The following DIAPH3 variants were observed in gnomAD, a reference collection of about 807,000 sequenced individuals.
The protein encoded by DIAPH3 is diaphanous related formin 3.
In DIAPH3, 117 loss-of-function variants were observed where a neutral mutation model predicts 144.3. The observed-to-expected ratio is 0.81, with a 90% CI of 0.70 to 0.95. The LOEUF is 0.95. Among genes scored for constraint, DIAPH3 ranks in the 40% least tolerant of loss-of-function variants. The probability of loss-of-function intolerance (pLI) is 0.00; values close to 1 mark genes in which losing one functional copy is unlikely to be tolerated. For missense variants in DIAPH3, 1,421 were observed against 1,412.7 expected, an observed-to-expected ratio of 1.01 and a Z score of -0.09; for synonymous variants, 519 against 488.9, an observed-to-expected ratio of 1.06 and a Z score of -0.81.
chr13:60,070,204 A>C (rs899879208), intron 4 of DIAPH3, among the ~76,000 whole-genome samples: 1 of 150,574 alleles, frequency 6.6e-6, no homozygotes, highest in African/African-American at 2.4e-5. Context: ...TGTCTCAGTT[A>C]GCTGCATTCC....
intron 18 of DIAPH3, 42 bp downstream of exon 18, chr13:59,924,733 T>C: frequency 6.3e-7 from 1 of 1,579,736 alleles, no homozygotes; most frequent in Non-Finnish European, 8.6e-7. Context: ...TTTAAAGAAA[T>C]ATTTCCACTG....
intron 17 of DIAPH3, among the ~76,000 whole-genome samples, chr13:59,932,666 AT>A (rs2048077633): frequency 6.6e-6 from 1 of 152,190 alleles, no homozygotes; most frequent in South Asian, 2.1e-4. Flanking sequence ...ATGTATCAGC[AT>A]ACTCAGGATG....
intron 4 of DIAPH3, among the ~76,000 whole-genome samples, chr13:60,084,733 T>C (rs2057692895): frequency 6.6e-6 from 1 of 152,146 alleles, no homozygotes; most frequent in Non-Finnish European, 1.5e-5. Context: ...ATCCTTAATT[T>C]ACTTAATCTA....
chr13:59,674,745 C>T (rs972027815), intron 27 of DIAPH3, among the ~76,000 whole-genome samples: 1 of 152,178 alleles, frequency 6.6e-6, no homozygotes, highest in Non-Finnish European at 1.5e-5. Flanking sequence ...ATTCTCAAAC[C>T]ACACTTTCAT....
At chr13:59,854,433 A>G (rs887995781) in intron 22 of DIAPH3, among the ~76,000 whole-genome samples, 2 of 152,178 alleles carry the variant, frequency 1.3e-5, no homozygotes, top group African/African-American at 4.8e-5. Context: ...GCAGCTGACA[A>G]TTCTACCTGC....
intron 24 of DIAPH3, among the ~76,000 whole-genome samples, chr13:59,816,929 AT>A (rs1280527398): frequency 6.6e-6 from 1 of 151,870 alleles, no homozygotes; most frequent in African/African-American, 2.4e-5. Context: ...AATGTGGGGT[AT>A]TTTCAATATT....
Position 59,970,038 on chromosome 13 carries a change from A to G in DIAPH3, c.1980T>C (p.Thr660=), listed in dbSNP as rs1425291008. 6.2e-7 allele frequency: 1 copy of G among 1,602,082 alleles called. No individual in the cohort carries two copies. Among genetic ancestry groups the G allele is most frequent in the African/African-American group, 1.3e-5 (1 of 74,732 alleles). ...NWLKIRPHEM[T]ENCFWIKVNE... is the part of the protein sequence containing the mutation. Reference sequence around the variant, plus strand: ...TTACTTTTATCCAGAAACAGTTTTCAGTCATTTCATGAGGTCTGATCTACA... The same window carrying G: ...TTACTTTTATCCAGAAACAGTTTTCGGTCATTTCATGAGGTCTGATCTACA... The change falls in exon 17 of 28, where the codon ACT becomes ACC. Residue 660 remains threonine (T), a synonymous_variant. Transcript: ENST00000400324.
intron 2 of DIAPH3, among the ~76,000 whole-genome samples, chr13:60,114,764 G>C (rs1248611744): frequency 1.3e-5 from 2 of 151,788 alleles, no homozygotes; most frequent in African/African-American, 4.8e-5. Context: ...ACTACAGCCA[G>C]AGAAATAAAA....
chr13:59,775,867 C>G (rs2038387783), intron 25 of DIAPH3, among the ~76,000 whole-genome samples: 1 of 152,184 alleles, frequency 6.6e-6, no homozygotes. Context: ...AGCCAATTAT[C>G]TCTACAAAGA....
At chr13:59,833,753 T>C (rs1450023350) in intron 23 of DIAPH3, among the ~76,000 whole-genome samples, 2 of 151,794 alleles carry the variant, frequency 1.3e-5, no homozygotes, top group East Asian at 1.9e-4. Context: ...TGTGCTTCAA[T>C]TTCCTCATCT....
At chr13:60,151,986 A>C (rs777002194) in intron 1 of DIAPH3, among the ~76,000 whole-genome samples, 52 of 152,242 alleles carry the variant, frequency 3.4e-4, no homozygotes, top group Admixed American at 1.0e-3. Flanking sequence ...GTTTAATTCT[A>C]TAGTAAAGTC....
intron 25 of DIAPH3, among the ~76,000 whole-genome samples, chr13:59,785,223 A>C (rs1456132307): frequency 1.3e-5 from 2 of 151,786 alleles, no homozygotes; most frequent in African/African-American, 4.8e-5. Context: ...TGGGGAAAAA[A>C]CTCCAATAGG....
At chr13:59,847,135 G>A (rs893024322) in intron 22 of DIAPH3, among the ~76,000 whole-genome samples, 1 of 152,182 alleles carries the variant, frequency 6.6e-6, no homozygotes, top group Non-Finnish European at 1.5e-5. Context: ...TCCTCATCAA[G>A]TAGTTGTACC....
chr13:59,949,680 A>G (rs74084473), intron 17 of DIAPH3, among the ~76,000 whole-genome samples: 2,804 of 152,312 alleles, frequency 0.018, 100 homozygotes, highest in African/African-American at 0.064. Context: ...TATGACCTAC[A>G]AAAACAAAAA....
chr13:60,051,215 G>C (rs912458533), intron 4 of DIAPH3, among the ~76,000 whole-genome samples: 1 of 152,040 alleles, frequency 6.6e-6, no homozygotes, highest in African/African-American at 2.4e-5. Context: ...GGTATAATTT[G>C]GGGGGAGTGG....
intron 1 of DIAPH3, chr13:60,144,907 C>T (rs921549904): frequency 6.6e-6 from 1 of 152,174 alleles, no homozygotes; most frequent in African/African-American, 2.4e-5. Flanking sequence ...TTCAGGATTA[C>T]AGTAGATATT....
intron 5 of DIAPH3, among the ~76,000 whole-genome samples, chr13:60,020,087 G>A (rs1432266645): frequency 6.6e-6 from 1 of 152,072 alleles, no homozygotes; most frequent in Non-Finnish European, 1.5e-5. Context: ...TGAGTATAGG[G>A]ACCGTTTCTT....
intron 20 of DIAPH3, among the ~76,000 whole-genome samples, chr13:59,886,871 C>T (rs1430771926): frequency 1.3e-5 from 2 of 151,984 alleles, no homozygotes; most frequent in Admixed American, 6.6e-5. Flanking sequence ...GGTATACTTT[C>T]TTTCCTCTAA....
chr13:59,787,753 TC>T (rs975116155), intron 25 of DIAPH3, among the ~76,000 whole-genome samples: 4 of 151,804 alleles, frequency 2.6e-5, no homozygotes, highest in East Asian at 1.9e-4. Context: ...ATCTTTGTGT[TC>T]CCCCCCAACC....
Sources: allele counts gnomAD v4.1 joint callset (sites outside exome capture counted in the v4.1 genomes callset), GRCh38; gene constraint gnomAD v4.1.1; transcripts MANE v1.5; gene names NCBI Gene and HGNC (gene_info 2026-07-23, HGNC 2026-07-21).